NFKB1: variants seen among roughly 807,000 people sequenced by gnomAD.
The protein encoded by NFKB1 is nuclear factor NF-kappa-B p105 subunit.
A neutral mutation model predicts 105.1 loss-of-function variants in NFKB1; 9 were observed. The ratio of observed to expected loss-of-function variants is 0.09; its 90% CI spans 0.05 to 0.15. NFKB1 has a LOEUF of 0.15. Among genes scored for constraint, NFKB1 ranks in the 10% least tolerant of loss-of-function variants. The pLI is 1.00. For missense variants in NFKB1, 830 were observed against 1,203.7 expected, an observed-to-expected ratio of 0.69 and a Z score of 4.59; for synonymous variants, 440 against 442.2, an observed-to-expected ratio of 1.00 and a Z score of 0.06.
At chr4:102,543,868 G>A (rs1276327080) in intron 5 of NFKB1, among the ~76,000 whole-genome samples, 1 of 152,116 alleles carries the variant, frequency 6.6e-6, no homozygotes, top group Non-Finnish European at 1.5e-5. Flanking sequence ...TCAGCTATGT[G>A]TGCGTATAGA....
intron 5 of NFKB1, among the ~76,000 whole-genome samples, chr4:102,566,648 G>C (rs1038281303): frequency 6.6e-6 from 1 of 152,152 alleles, no homozygotes; most frequent in African/African-American, 2.4e-5. Flanking sequence ...GGATGCAGAG[G>C]AAGGCATGTT....
At chr4:102,512,765 G>A (rs574445093) in intron 1 of NFKB1, among the ~76,000 whole-genome samples, 5 of 152,290 alleles carry the variant, frequency 3.3e-5, no homozygotes, top group South Asian at 2.1e-4. Context: ...GGCCTTCGCC[G>A]TGATTATTTC....
At chr4:102,574,971 C>T (rs771380078) in intron 6 of NFKB1, among the ~76,000 whole-genome samples, 17 of 152,256 alleles carry the variant, frequency 1.1e-4, no homozygotes, top group Non-Finnish European at 2.4e-4. Context: ...ATTGCTATTA[C>T]AAAGGAGATA....
intron 5 of NFKB1, among the ~76,000 whole-genome samples, chr4:102,563,799 C>T (rs1723625629): frequency 6.9e-6 from 1 of 144,624 alleles, no homozygotes; most frequent in Non-Finnish European, 1.5e-5. Context: ...GTCTCCTTGA[C>T]TTTAACTGAA....
chr4:102,520,242 A>G (rs963301385), intron 1 of NFKB1, among the ~76,000 whole-genome samples: 2 of 152,258 alleles, frequency 1.3e-5, no homozygotes, highest in African/African-American at 4.8e-5. Flanking sequence ...CCATAAGTGT[A>G]GAATGGGAAA....
At chr4:102,607,072 C>A (rs1727821330) in intron 17 of NFKB1, 78 bp from the exon 18 acceptor site, 2 of 1,459,604 alleles carry the variant, frequency 1.4e-6, no homozygotes, top group South Asian at 1.1e-5. Context: ...CAGTTTTTGC[C>A]ATTTCCTTCA....
intron 11 of NFKB1, among the ~76,000 whole-genome samples, chr4:102,589,880 A>G (rs1338141982): frequency 6.6e-6 from 1 of 152,156 alleles, no homozygotes; most frequent in Non-Finnish European, 1.5e-5. Flanking sequence ...AGAAAGGAGA[A>G]ACAAGAACAC....
At chr4:102,613,396 C>T (rs780264344) in intron 22 of NFKB1, 29 bp from the exon 23 acceptor site, 14 of 1,608,924 alleles carry the variant, frequency 8.7e-6, no homozygotes, top group Admixed American at 1.7e-5. Flanking sequence ...AACACAAGAA[C>T]ATGCTCCTCC....
intron 23 of NFKB1, 92 bp downstream of exon 23, chr4:102,613,673 T>C: frequency 7.1e-7 from 1 of 1,408,844 alleles, no homozygotes; most frequent in Non-Finnish European, 9.6e-7. Flanking sequence ...GGCAGTTTTC[T>C]TTCTCGTTTT....
At chr4:102,521,110 G>T (rs1560637530) in intron 1 of NFKB1, among the ~76,000 whole-genome samples, 2 of 152,068 alleles carry the variant, frequency 1.3e-5, no homozygotes, top group African/African-American at 4.8e-5. Context: ...GTTATCAAAG[G>T]ACATACAGAT....
At chr4:102,553,315 T>C (rs943506377) in intron 5 of NFKB1, among the ~76,000 whole-genome samples, 2 of 152,206 alleles carry the variant, frequency 1.3e-5, no homozygotes, top group Non-Finnish European at 2.9e-5. Flanking sequence ...AAATACATAA[T>C]GAGGGTGGTT....
At chr4:102,561,026 A>C (rs1009078465) in intron 5 of NFKB1, among the ~76,000 whole-genome samples, 7 of 152,192 alleles carry the variant, frequency 4.6e-5, no homozygotes, top group Admixed American at 4.6e-4. Context: ...TGGATCACTG[A>C]CTAGATCAAC....
At chr4:102,526,421 G>A (rs1740915800) in intron 2 of NFKB1, among the ~76,000 whole-genome samples, 1 of 151,920 alleles carries the variant, frequency 6.6e-6, no homozygotes, top group African/African-American at 2.4e-5. Context: ...TTTGAGTGTT[G>A]GATACCCTAA....
intron 5 of NFKB1, among the ~76,000 whole-genome samples, chr4:102,551,557 A>T (rs1310896388): frequency 6.6e-6 from 1 of 152,130 alleles, no homozygotes; most frequent in East Asian, 1.9e-4. Flanking sequence ...AAGAAGAACG[A>T]ATCACACCAA....
At chr4:102,575,363 C>G (rs369574270) in intron 6 of NFKB1, among the ~76,000 whole-genome samples, 1 of 152,184 alleles carries the variant, frequency 6.6e-6, no homozygotes, top group African/African-American at 2.4e-5. Flanking sequence ...CCTACTTTAT[C>G]TGACCTTCCT....
At chr4:102,596,069 A>G in intron 13 of NFKB1, 69 bp from the exon 14 acceptor site, 3 of 1,088,686 alleles carry the variant, frequency 2.8e-6, no homozygotes, top group Non-Finnish European at 3.9e-6. Flanking sequence ...TCTGACCTAC[A>G]TTGGAATAGC....
At chr4:102,601,782 T>C (rs1727168068) in intron 16 of NFKB1, among the ~76,000 whole-genome samples, 1 of 152,186 alleles carries the variant, frequency 6.6e-6, no homozygotes, top group Non-Finnish European at 1.5e-5. Flanking sequence ...CCAGCCTTTC[T>C]GGCTGAGCGA....
intron 11 of NFKB1, among the ~76,000 whole-genome samples, chr4:102,589,542 C>T (rs545836949): frequency 5.3e-5 from 8 of 151,940 alleles, no homozygotes; most frequent in Non-Finnish European, 1.0e-4. Flanking sequence ...TACTTTGTTA[C>T]CCTGCTTTCC....
intron 3 of NFKB1, among the ~76,000 whole-genome samples, chr4:102,530,443 T>C (rs1426132095): frequency 6.6e-6 from 1 of 152,178 alleles, no homozygotes; most frequent in African/African-American, 2.4e-5. Context: ...ATTGTGCCGA[T>C]TGGCAACTGT....
Sources: gnomAD v4.1 joint callset for allele counts (sites outside exome capture counted in the v4.1 genomes callset) on GRCh38, gnomAD v4.1.1 for gene constraint, MANE v1.5 for transcripts, NCBI Gene and HGNC (gene_info 2026-07-23, HGNC 2026-07-21) for gene names.